Variants in ADAM10 observed in about 807,000 individuals in gnomAD.
The protein encoded by ADAM10 is ADAM metallopeptidase domain 10.
ADAM10 carries 17 observed loss-of-function variants against 90.1 expected under a neutral mutation model. The observed-to-expected ratio is 0.19, with a 90% confidence interval of 0.13 to 0.28. The LOEUF (loss-of-function observed/expected upper bound fraction) is 0.28, where lower values mean the gene tolerates loss of function less well. Ranked by LOEUF, ADAM10 falls within the 10% of genes least tolerant of loss-of-function variation. The pLI is 1.00. For synonymous variants in ADAM10, 310 were observed against 298.6 expected, an observed-to-expected ratio of 1.04 and a Z score of -0.40; for missense variants, 610 against 914.3, an observed-to-expected ratio of 0.67 and a Z score of 4.29.
At chr15:58,672,934 T>C (rs933246061) in intron 4 of ADAM10, 1 of 202,944 alleles carries the variant, frequency 4.9e-6, no homozygotes, top group African/African-American at 2.3e-5. Flanking sequence ...AATGAATAAG[T>C]TGGTTCTAGT....
chr15:58,694,805 CAG>C (rs1266674002), intron 2 of ADAM10, among the ~76,000 whole-genome samples: 1 of 149,358 alleles, frequency 6.7e-6, no homozygotes, highest in Non-Finnish European at 1.5e-5. Flanking sequence ...CAAAAGAATG[CAG>C]AGTCTAATTC....
Position 58,670,696 on chromosome 15 carries a change from T to C in ADAM10, c.485-5499A>G, listed in dbSNP as rs371581406. Among the ~76,000 whole-genome samples the C allele has an allele frequency of 1.9e-4, 29 of 152,286 alleles. No homozygotes were observed. In the East Asian group the frequency reaches 2.7e-3, roughly 14 times the overall value. ...TTAATGGTGGTGGACACATTTCATC[T>C]TAATATACTTAATTTACATACAAGA... On this transcript the variant is annotated intron_variant, in intron 4 of 15. Transcript: ENST00000260408.
At chr15:58,669,522 G>C (rs183453943) in intron 4 of ADAM10, among the ~76,000 whole-genome samples, 1 of 152,226 alleles carries the variant, frequency 6.6e-6, no homozygotes, top group East Asian at 1.9e-4. Context: ...TATGCTACTA[G>C]CTTAAATTAA....
chr15:58,719,219 G>A (rs1353140328), intron 1 of ADAM10, among the ~76,000 whole-genome samples: 1 of 152,066 alleles, frequency 6.6e-6, no homozygotes, highest in African/African-American at 2.4e-5. Flanking sequence ...AGCTACTCAG[G>A]AGGCTGAGGC....
At chr15:58,657,785 GA>G (rs1896864481) in intron 5 of ADAM10, among the ~76,000 whole-genome samples, 1 of 152,128 alleles carries the variant, frequency 6.6e-6, no homozygotes, top group Admixed American at 6.5e-5. Flanking sequence ...GGGCATTGAA[GA>G]GTTACGTATT....
In ADAM10 at chr15:58,649,025, T is replaced by C. The variant is rs562111315; in HGVS notation, c.586-2821A>G. Among the ~76,000 whole-genome samples the C allele has an allele frequency of 2.0e-5, 3 of 152,244 alleles. No homozygotes were observed. In the South Asian group the frequency reaches 6.2e-4, roughly 32 times the overall value. ...CTGTTAAATCCAATCTGATAATATT[T>C]ATCTTTTAATCGGTGCATTTAATCC... On this transcript the variant is annotated intron_variant, in intron 5 of 15. Coordinates refer to ENST00000260408, the MANE Select transcript of ADAM10 (RefSeq NM_001110.4).
chr15:58,607,538 G>A (rs1400821089), intron 14 of ADAM10, among the ~76,000 whole-genome samples: 1 of 152,196 alleles, frequency 6.6e-6, no homozygotes. Context: ...CTAGTGTTCT[G>A]TTAAGCATTT....
intron 2 of ADAM10, chr15:58,691,144 C>T (rs755956172): frequency 2.9e-6 from 2 of 695,626 alleles, no homozygotes; most frequent in African/African-American, 3.5e-5. Context: ...GGTGAAGACA[C>T]AAGCCTACTG....
intron 4 of ADAM10, among the ~76,000 whole-genome samples, chr15:58,667,481 A>C (rs1897104540): frequency 6.6e-6 from 1 of 152,162 alleles, no homozygotes; most frequent in Non-Finnish European, 1.5e-5. Flanking sequence ...CAAACATCCA[A>C]GGCCTTGGCT....
In ADAM10 at chr15:58,673,933, A is replaced by T. The variant is rs189132565; in HGVS notation, c.484+5191T>A. 5.1e-3 allele frequency among the ~76,000 whole-genome samples: 771 copies of T among 151,952 alleles called. 11 individuals are homozygous for T. Among genetic ancestry groups the T allele is most frequent in the Non-Finnish European group, 5.7e-3 (386 of 67,950 alleles). ...GTATTTTTAGTAGAGACGGGGTTTC[A>T]CTGTTTAGCCAGGATGGTCTTGATC... is the stretch of plus-strand genomic sequence containing the variant. On this transcript the variant is annotated intron_variant, in intron 4 of 15. Transcript: ENST00000260408.
chr15:58,648,609 G>C (rs1896610718), intron 5 of ADAM10, among the ~76,000 whole-genome samples: 1 of 151,978 alleles, frequency 6.6e-6, no homozygotes, highest in Non-Finnish European at 1.5e-5. Flanking sequence ...TAACATAAAG[G>C]TGTTCAAGTT....
Position 58,619,675 on chromosome 15 carries a change from C to T in ADAM10, c.1511+1796G>A, listed in dbSNP as rs544569818. Among the ~76,000 whole-genome samples the T allele has an allele frequency of 6.2e-4, 94 of 151,738 alleles. 1 individual carries two copies. Among genetic ancestry groups the T allele is most frequent in the African/African-American group, 4.1e-4 (17 of 41,368 alleles). ...ATCCCAGCAGTTTGGGAGGCCAAGG[C>T]GGGAGGATCAGGAGGTCAGGAGATC... On this transcript the variant is annotated intron_variant, in intron 11 of 15. Transcript: ENST00000260408.
chr15:58,669,049 AATCAT>A (rs1459148495), intron 4 of ADAM10, among the ~76,000 whole-genome samples: 2 of 152,176 alleles, frequency 1.3e-5, no homozygotes, highest in African/African-American at 4.8e-5. Context: ...TAAATCTCCT[AATCAT>A]ATGTCAATGT....
At chr15:58,664,641 T>G (rs1441120554) in intron 5 of ADAM10, among the ~76,000 whole-genome samples, 1 of 152,094 alleles carries the variant, frequency 6.6e-6, no homozygotes, top group Non-Finnish European at 1.5e-5. Context: ...ACCTGTCACC[T>G]ATGACTAAAG....
chr15:58,689,951 CCA>C lies in ADAM10; in HGVS notation c.207-7639_207-7638del, dbSNP rs2140769396. On this transcript the variant is annotated intron_variant, in intron 2 of 15. Coordinates refer to ENST00000260408, the MANE Select transcript of ADAM10 (RefSeq NM_001110.4). ...TTCCAAAACCAAAGACAGACCCCCC[CCA>C]AAAAAAAAAAAAAAAGACTGATATT... Among the ~76,000 whole-genome samples the C allele has an allele frequency of 3.1e-5, 4 of 129,452 alleles. 1 individual carries two copies. In the South Asian group the frequency reaches 1.1e-3, roughly 36 times the overall value. 84.9% of individuals were successfully genotyped at this position (129,452 alleles called of 152,430 possible).
intron 9 of ADAM10, among the ~76,000 whole-genome samples, chr15:58,632,681 A>G (rs1896135896): frequency 6.6e-6 from 1 of 152,230 alleles, no homozygotes; most frequent in South Asian, 2.1e-4. Flanking sequence ...TTTCCTAATA[A>G]AAGATTTTAA....
At position 58,611,804 on chromosome 15, in the gene ADAM10, T is replaced by C; in HGVS notation, c.1695+4A>G. 6.2e-7 allele frequency: 1 copy of C among 1,613,948 alleles called. No homozygotes were observed. The highest frequency in any genetic ancestry group is 8.5e-7 in the Non-Finnish European group (1 of 1,179,838). On this transcript the variant is annotated splice_donor_region_variant and intron_variant, in intron 12 of 15. Transcript: ENST00000260408. Reference sequence around the variant, plus strand: ...AATTTTAAAACATATAGTTAAATGCTTACCCCATTAATGCACACTTGTGTA... The same window carrying C: ...AATTTTAAAACATATAGTTAAATGCCTACCCCATTAATGCACACTTGTGTA...
chr15:58,610,234 TG>T, intron 14 of ADAM10, 62 bp downstream of exon 14: 1 of 1,406,846 alleles, frequency 7.1e-7, no homozygotes, highest in Non-Finnish European at 1.0e-6. Context: ...TGATGACTTC[TG>T]GCCAAGTAAA....
Position 58,647,246 on chromosome 15 carries a change from G to GCATTT in ADAM10, c.586-1043_586-1042insAAATG, listed in dbSNP as rs1896569038. 5.6e-3 allele frequency among the ~76,000 whole-genome samples: 206 copies of GCATTT among 36,824 alleles called. 6 individuals are homozygous for GCATTT. Among genetic ancestry groups the GCATTT allele is most frequent in the African/African-American group, 0.015 (197 of 13,576 alleles). The allele number at this position is 36,824 out of a possible 152,430, so 24.2% of individuals were successfully genotyped here. A position where few individuals can be genotyped will look rare whatever the true frequency, so the allele number is the denominator to read the frequency against. ...CTTGGCAGCAAAGAGTAGACACTAA[G>GCATTT]TATTTTTTTTTTTTTTTTTTTTTTT... On this transcript the variant is annotated intron_variant, in intron 5 of 15. Coordinates refer to ENST00000260408, the MANE Select transcript of ADAM10 (RefSeq NM_001110.4).
Sources: allele counts gnomAD v4.1 joint callset (sites outside exome capture counted in the v4.1 genomes callset), GRCh38; gene constraint gnomAD v4.1.1; transcripts MANE v1.5; gene names NCBI Gene and HGNC (gene_info 2026-07-23, HGNC 2026-07-21).